PATJ: variants seen among roughly 807,000 people sequenced by gnomAD.
PATJ encodes PATJ crumbs cell polarity complex component, also known as inaD-like protein.
In PATJ, 190 loss-of-function variants were observed where a neutral mutation model predicts 224.9. The ratio of observed to expected loss-of-function variants is 0.84; its 90% CI spans 0.75 to 0.95. PATJ has a LOEUF of 0.95. Among genes scored for constraint, PATJ ranks in the 40% least tolerant of loss-of-function variants. PATJ has a pLI of 0.00. For missense variants in PATJ, 2,121 were observed against 2,270.3 expected, an observed-to-expected ratio of 0.93 and a Z score of 1.34; for synonymous variants, 769 against 820.3, an observed-to-expected ratio of 0.94 and a Z score of 1.07.
At chr1:62,102,859 CAAAAAAAAAAA>C (rs1162014751) in intron 33 of PATJ, among the ~76,000 whole-genome samples, 1 of 47,008 alleles carries the variant, frequency 2.1e-5, no homozygotes, top group African/African-American at 7.1e-5. Flanking sequence ...TACCCTGTCT[CAAAAAAAAAAA>C]AAAAAAAAAA....
At chr1:61,935,381 C>T (rs775253786) in intron 27 of PATJ, among the ~76,000 whole-genome samples, 7 of 151,848 alleles carry the variant, frequency 4.6e-5, no homozygotes, top group Non-Finnish European at 8.8e-5. Context: ...TGTTTTTCTA[C>T]CCTAATTTTG....
At chr1:62,062,392 C>CTTT (rs60747316) in intron 31 of PATJ, among the ~76,000 whole-genome samples, 12 of 28,480 alleles carry the variant, frequency 4.2e-4, no homozygotes, top group East Asian at 2.3e-3. Context: ...ATGTTGTCTT[C>CTTT]TTTTTTTTTT....
At position 62,128,887 on chromosome 1, in the gene PATJ, T is replaced by C; in HGVS notation, c.5213T>C (p.Leu1738Pro). 6.2e-7 allele frequency: 1 copy of C among 1,613,662 alleles called. No individual in the cohort carries two copies. The highest frequency in any genetic ancestry group is 8.5e-7 in the Non-Finnish European group (1 of 1,179,596). ...VSINGQPLDG[L>P]SHADVVNLLK... ...ATTAACGGGCAACCTTTGGATGGGC[T>C]GTCTCACGCGGATGTGGTTAATCTG... is the stretch of plus-strand genomic sequence containing the variant. Residue 1738 changes from leucine to proline, a missense_variant, in exon 41 of 44, where the codon CTG (leucine) becomes CCG (proline). Physicochemically the swap from Leu to Pro is moderately conservative, Grantham distance 98. Transcript: ENST00000642238.
At position 62,128,955 on chromosome 1, in the gene PATJ, T is replaced by A; in HGVS notation, c.5271+10T>A. Reference sequence around the variant, plus strand: ...GCGCATTATCCTGCAGGTATTGCGATCAACGGAGCACGCAGCTGTGCAAGG... The same window carrying A: ...GCGCATTATCCTGCAGGTATTGCGAACAACGGAGCACGCAGCTGTGCAAGG... On this transcript the variant is annotated intron_variant, in intron 41 of 43. Coordinates refer to ENST00000642238, the MANE Select transcript of PATJ (RefSeq NM_001350145.3). 6.4e-7 allele frequency: 1 copy of A among 1,564,198 alleles called. No homozygotes were observed. Among genetic ancestry groups the A allele is most frequent in the Non-Finnish European group, 8.8e-7 (1 of 1,135,248 alleles).
Position 61,987,533 on chromosome 1 carries a change from G to C in PATJ, c.3671-2635G>C, listed in dbSNP as rs957006014. Among the ~76,000 whole-genome samples, 10 of 152,218 alleles carry C rather than the reference G, an allele frequency of 6.6e-5. No individual in the cohort carries two copies. The South Asian group carries it at 1.7e-3, about 25-fold the overall frequency. On this transcript the variant is annotated intron_variant, in intron 27 of 43. Coordinates refer to ENST00000642238, the MANE Select transcript of PATJ (RefSeq NM_001350145.3). ...TAAGTCCAATAAACAAAGCAGATGA[G>C]AGCATAAGTGCTCTGGTTGAATCCG...
chr1:61,972,109 T>G (rs1054602448), intron 27 of PATJ, among the ~76,000 whole-genome samples: 4 of 152,140 alleles, frequency 2.6e-5, no homozygotes, highest in African/African-American at 9.7e-5. Flanking sequence ...TTGGGAATGT[T>G]TATGTATACC....
chr1:61,876,013 T>C (rs577905035), intron 21 of PATJ, among the ~76,000 whole-genome samples: 3 of 152,306 alleles, frequency 2.0e-5, no homozygotes, highest in Admixed American at 2.0e-4. Flanking sequence ...CACTGGGATT[T>C]ATAGAGCCAT....
chr1:62,079,099 G>A (rs1375989522), intron 31 of PATJ, among the ~76,000 whole-genome samples: 2 of 152,102 alleles, frequency 1.3e-5, no homozygotes, highest in African/African-American at 4.8e-5. Flanking sequence ...CATAGATAAA[G>A]GGGCTTCTTG....
intron 5 of PATJ, among the ~76,000 whole-genome samples, chr1:61,769,644 G>T (rs1200938254): frequency 6.6e-6 from 1 of 152,144 alleles, no homozygotes; most frequent in African/African-American, 2.4e-5. Flanking sequence ...AGATGAGAAA[G>T]CTGAGATTCA....
At chr1:61,974,709 C>T (rs565950110) in intron 27 of PATJ, among the ~76,000 whole-genome samples, 1 of 152,096 alleles carries the variant, frequency 6.6e-6, no homozygotes, top group East Asian at 1.9e-4. Context: ...AAGTCACTTT[C>T]TTTATACTAA....
rs1280533972 is a variant in PATJ, at chr1:62,079,184, T to C, written c.4126-266T>C. On this transcript the variant is annotated intron_variant, in intron 31 of 43. Transcript: ENST00000642238. ...TCCCACCCCCAGCTTCATGTACAGA[T>C]CACACTGACAGAGTATCTTCAGCTT... is the stretch of plus-strand genomic sequence containing the variant. 2.0e-5 allele frequency among the ~76,000 whole-genome samples: 3 copies of C among 152,134 alleles called. No individual in the cohort carries two copies. The East Asian group carries it at 5.8e-4, about 29-fold the overall frequency.
intron 14 of PATJ, among the ~76,000 whole-genome samples, chr1:61,819,949 A>G (rs1459576470): frequency 1.3e-5 from 2 of 152,198 alleles, no homozygotes; most frequent in Non-Finnish European, 2.9e-5. Flanking sequence ...ATGAACATAG[A>G]TATTAGTAAA....
intron 37 of PATJ, among the ~76,000 whole-genome samples, chr1:62,118,198 T>TTTTC (rs1664663508): frequency 6.6e-6 from 1 of 152,010 alleles, no homozygotes; most frequent in African/African-American, 2.4e-5. Context: ...AACACTTTTT[T>TTTTC]TTTTTTTCAT....
intron 34 of PATJ, among the ~76,000 whole-genome samples, chr1:62,113,272 G>A (rs2476190): frequency 0.53 from 80,785 of 151,924 alleles, 22,325 homozygotes; most frequent in Non-Finnish European, 0.6. Flanking sequence ...GGTCTTGGAT[G>A]CTGTTGGAAA....
intron 33 of PATJ, among the ~76,000 whole-genome samples, chr1:62,101,115 T>G (rs1023121920): frequency 2.0e-5 from 3 of 152,100 alleles, no homozygotes; most frequent in Non-Finnish European, 4.4e-5. Context: ...ATAGAGAAAT[T>G]GGGTGGCTGA....
intron 31 of PATJ, among the ~76,000 whole-genome samples, chr1:62,065,818 C>T (rs546446216): frequency 6.6e-6 from 1 of 152,294 alleles, no homozygotes; most frequent in East Asian, 1.9e-4. Context: ...TGACAGGGCT[C>T]AGAACCCAGA....
rs568677702 is a variant in PATJ at position 61,945,377 on chromosome 1, G to A, written c.3670+17548G>A. On this transcript the variant is annotated intron_variant, in intron 27 of 43. Transcript: ENST00000642238. ...CATAGGCTCAAAATAAAGGGATGGA[G>A]GAAGATCTACCAAGCAAATGGAAAA... 1.4e-4 allele frequency among the ~76,000 whole-genome samples: 21 copies of A among 151,686 alleles called. No individual in the cohort carries two copies. The East Asian group carries it at 4.1e-3, about 29-fold the overall frequency.
chr1:61,988,620 A>G (rs1644893701), intron 27 of PATJ, among the ~76,000 whole-genome samples: 1 of 152,204 alleles, frequency 6.6e-6, no homozygotes, highest in South Asian at 2.1e-4. Context: ...AGCTTTGTTC[A>G]GTGAGTGTTC....
chr1:62,144,701 T>G (rs907043980), intron 41 of PATJ, among the ~76,000 whole-genome samples: 4 of 149,704 alleles, frequency 2.7e-5, no homozygotes, highest in Middle Eastern at 3.2e-3. Flanking sequence ...AACTCCATCC[T>G]GAGTCCTGTT....
Sources: gnomAD v4.1 joint callset for allele counts (sites outside exome capture counted in the v4.1 genomes callset) on GRCh38, gnomAD v4.1.1 for gene constraint, MANE v1.5 for transcripts, NCBI Gene and HGNC (gene_info 2026-07-23, HGNC 2026-07-21) for gene names.